Variants in HNF1B observed in about 807,000 individuals in gnomAD.
The protein encoded by HNF1B is HNF1 homeobox B, also known as hepatocyte nuclear factor 1-beta.
In HNF1B, 8 loss-of-function variants were observed where a neutral mutation model predicts 61.7. That is an observed-to-expected ratio of 0.13 (90% confidence interval 0.08 to 0.23). The LOEUF (loss-of-function observed/expected upper bound fraction) is 0.23. Ranked by LOEUF, HNF1B falls within the 10% of genes least tolerant of loss-of-function variation. The pLI, the probability that HNF1B is intolerant of heterozygous loss-of-function variation, is 1.00. For missense variants in HNF1B, 562 were observed against 714.5 expected, an observed-to-expected ratio of 0.79 and a Z score of 2.43; for synonymous variants, 314 against 287.7, an observed-to-expected ratio of 1.09 and a Z score of -0.93.
At chr17:37,696,481 C>G (rs1041146960) in intron 8 of HNF1B, among the ~76,000 whole-genome samples, 2 of 152,016 alleles carry the variant, frequency 1.3e-5, no homozygotes, top group African/African-American at 4.8e-5. Flanking sequence ...CAGGGCAGGG[C>G]CTCTCCCTTC....
chr17:37,731,140 C>T (rs766424669), intron 4 of HNF1B: 3 of 231,320 alleles, frequency 1.3e-5, no homozygotes, highest in Non-Finnish European at 2.6e-5. Context: ...CTGAGCTTCT[C>T]CTGAGGCAGC....
chr17:37,743,191 G>A (rs2034053521), intron 1 of HNF1B, among the ~76,000 whole-genome samples: 2 of 152,136 alleles, frequency 1.3e-5, no homozygotes. Context: ...GCCCCCGGTG[G>A]CCGGCGGTGG....
chr17:37,713,221 C>T (rs1423970609), intron 4 of HNF1B, among the ~76,000 whole-genome samples: 2 of 152,174 alleles, frequency 1.3e-5, no homozygotes, highest in African/African-American at 2.4e-5. Context: ...TCCCCATCAT[C>T]GATTCAGTCT....
intron 4 of HNF1B, chr17:37,720,723 T>G: frequency 1.1e-6 from 1 of 921,712 alleles, no homozygotes; most frequent in African/African-American, 1.8e-5. Context: ...GACACAATGA[T>G]GAAGAAAGCT....
At position 37,744,984 on chromosome 17, in the gene HNF1B, T is replaced by TC; in HGVS notation, c.-101dup. On this transcript the variant is annotated 5_prime_UTR_variant, in exon 1 of 9. Coordinates refer to ENST00000617811, the MANE Select transcript of HNF1B (RefSeq NM_000458.4). ...AGCAAACCCCAAATCCAGGAACCCC[T>TC]CCACCCTTCAGCCTCCAGACACCTG... The TC allele has an allele frequency of 9.6e-7, 1 of 1,041,380 alleles. No individual in the cohort carries two copies. Among genetic ancestry groups the TC allele is most frequent in the Non-Finnish European group, 1.4e-6 (1 of 698,850 alleles). The allele number at this position is 1,041,380 out of a possible 1,614,324, so 64.5% of individuals were successfully genotyped here. A position where few individuals can be genotyped will look rare whatever the true frequency, so the allele number is the denominator to read the frequency against.
At chr17:37,692,838 C>T (rs2032250861) in intron 8 of HNF1B, among the ~76,000 whole-genome samples, 2 of 152,140 alleles carry the variant, frequency 1.3e-5, no homozygotes, top group South Asian at 4.1e-4. Context: ...AATCCTGAGA[C>T]ATTTTCTTCT....
rs1037966339 is a variant in HNF1B at position 37,686,990 on chromosome 17, G to A, written c.*382C>T. 2.1e-6 allele frequency: 1 copy of A among 467,656 alleles called. No homozygotes were observed. Among genetic ancestry groups the A allele is most frequent in the African/African-American group, 2.0e-5 (1 of 50,922 alleles). The allele number at this position is 467,656 out of a possible 1,614,324, so 29.0% of individuals were successfully genotyped here. On this transcript the variant is annotated 3_prime_UTR_variant, in exon 9 of 9. Transcript: ENST00000617811. ...ACAGTGTGTTTGGCTCAGTTCAATA[G>A]CACATGTCCTTCTCTCCTCATTTCA...
chr17:37,731,476 C>CG (rs756504092), intron 4 of HNF1B, 119 bp downstream of exon 4: 2 of 800,700 alleles, frequency 2.5e-6, no homozygotes, highest in South Asian at 2.9e-5. Flanking sequence ...AATGAGAGAG[C>CG]GGCCCTAGGA....
At chr17:37,709,013 C>T (rs1459937098) in intron 5 of HNF1B, among the ~76,000 whole-genome samples, 2 of 152,168 alleles carry the variant, frequency 1.3e-5, no homozygotes, top group Non-Finnish European at 2.9e-5. Flanking sequence ...CTCACCCATC[C>T]TGGCCCCCAC....
intron 4 of HNF1B, chr17:37,730,923 A>T (rs1352187425): frequency 6.4e-6 from 1 of 156,120 alleles, no homozygotes; most frequent in Non-Finnish European, 1.4e-5. Context: ...ATCCTGACAA[A>T]CCCAAAGCCC....
At chr17:37,740,509 T>A (rs116186948) in intron 1 of HNF1B, among the ~76,000 whole-genome samples, 28 of 152,326 alleles carry the variant, frequency 1.8e-4, no homozygotes, top group African/African-American at 6.7e-4. Flanking sequence ...GTTCACCTTC[T>A]AAGAAGCAAG....
At chr17:37,707,204 C>T (rs2147464330) in intron 5 of HNF1B, among the ~76,000 whole-genome samples, 1 of 151,452 alleles carries the variant, frequency 6.6e-6, no homozygotes, top group South Asian at 2.1e-4. Context: ...CAGCTTCGAA[C>T]TCCTGGAATT....
chr17:37,694,918 A>G (rs182188263), intron 8 of HNF1B, among the ~76,000 whole-genome samples: 2 of 152,232 alleles, frequency 1.3e-5, no homozygotes, highest in East Asian at 1.9e-4. Context: ...AGGGAAGCAG[A>G]GCGTAAAAGT....
chr17:37,691,197 G>A (rs986367634), intron 8 of HNF1B, among the ~76,000 whole-genome samples: 5 of 152,192 alleles, frequency 3.3e-5, no homozygotes, highest in East Asian at 1.9e-4. Flanking sequence ...ACAGTGAGGC[G>A]TGAGGATAAA....
chr17:37,703,508 T>A (rs1389439581), intron 6 of HNF1B, among the ~76,000 whole-genome samples: 2 of 152,078 alleles, frequency 1.3e-5, no homozygotes, highest in Non-Finnish European at 2.9e-5. Context: ...GTTGCAGAAA[T>A]AAGTGGAATA....
At chr17:37,722,224 A>C (rs2033340903) in intron 4 of HNF1B, among the ~76,000 whole-genome samples, 1 of 152,188 alleles carries the variant, frequency 6.6e-6, no homozygotes, top group South Asian at 2.1e-4. Flanking sequence ...CCTTGTCAAG[A>C]ACCCAGGGAG....
intron 5 of HNF1B, among the ~76,000 whole-genome samples, chr17:37,708,770 T>C (rs1460239481): frequency 6.6e-6 from 1 of 152,222 alleles, no homozygotes; most frequent in African/African-American, 2.4e-5. Context: ...AGAAGAGGGC[T>C]GCAAAATGCC....
At chr17:37,697,871 A>G (rs1383874100) in intron 8 of HNF1B, among the ~76,000 whole-genome samples, 2 of 152,144 alleles carry the variant, frequency 1.3e-5, no homozygotes, top group African/African-American at 2.4e-5. Context: ...CCAAGACACC[A>G]GTTACTTAAT....
intron 8 of HNF1B, among the ~76,000 whole-genome samples, chr17:37,697,326 C>T (rs955965769): frequency 2.6e-5 from 4 of 152,192 alleles, no homozygotes; most frequent in African/African-American, 9.7e-5. Context: ...CCTGAAATGT[C>T]TGGGGACATG....
Sources: gnomAD v4.1 joint callset for allele counts (sites outside exome capture counted in the v4.1 genomes callset) on GRCh38, gnomAD v4.1.1 for gene constraint, MANE v1.5 for transcripts, NCBI Gene and HGNC (gene_info 2026-07-23, HGNC 2026-07-21) for gene names.